DIXDC1: variants seen among roughly 807,000 people sequenced by gnomAD.
DIXDC1 encodes the protein DIX domain containing 1.
DIXDC1 carries 64 observed loss-of-function variants against 103.1 expected under a neutral mutation model. The observed-to-expected ratio is 0.62, with a 90% CI of 0.51 to 0.76. The LOEUF (loss-of-function observed/expected upper bound fraction) is 0.76. Ranked by LOEUF, DIXDC1 falls within the 30% of genes least tolerant of loss-of-function variation. The pLI is 0.00. For synonymous variants in DIXDC1, 266 were observed against 298.5 expected, an observed-to-expected ratio of 0.89 and a Z score of 1.12; for missense variants, 759 against 834.2, an observed-to-expected ratio of 0.91 and a Z score of 1.11.
At chr11:112,012,815 T>C (rs782333534) in intron 17 of DIXDC1, among the ~76,000 whole-genome samples, 1 of 152,238 alleles carries the variant, frequency 6.6e-6, no homozygotes, top group African/African-American at 2.4e-5. Context: ...GAAAAGTCTA[T>C]GCAATCCAAC....
chr11:111,944,667 T>A (rs1477700134), intron 1 of DIXDC1, among the ~76,000 whole-genome samples: 1 of 152,190 alleles, frequency 6.6e-6, no homozygotes, highest in Admixed American at 6.5e-5. Context: ...CTGATGGAGA[T>A]TATGGGATTG....
chr11:111,985,404 T>A, intron 8 of DIXDC1, 83 bp downstream of exon 8: 1 of 1,085,732 alleles, frequency 9.2e-7, no homozygotes, highest in Non-Finnish European at 1.3e-6. Context: ...GTTCATGCCT[T>A]CTTGAAATGC....
intron 1 of DIXDC1, among the ~76,000 whole-genome samples, chr11:111,944,128 A>G (rs1966515297): frequency 6.6e-6 from 1 of 152,172 alleles, no homozygotes; most frequent in Non-Finnish European, 1.5e-5. Context: ...TTTCTCAGCA[A>G]CTTCCCCACC....
intron 14 of DIXDC1, among the ~76,000 whole-genome samples, chr11:111,994,513 CCATA>C (rs1555175056): frequency 2.0e-5 from 3 of 146,512 alleles, no homozygotes; most frequent in African/African-American, 7.6e-5. Context: ...ACATATATAA[CCATA>C]CATATATATG....
chr11:111,954,804 T>C (rs1966875420), intron 1 of DIXDC1, among the ~76,000 whole-genome samples: 1 of 152,076 alleles, frequency 6.6e-6, no homozygotes, highest in Non-Finnish European at 1.5e-5. Flanking sequence ...AGAAAGGAGT[T>C]ACACAAATAA....
intron 7 of DIXDC1, among the ~76,000 whole-genome samples, chr11:111,984,047 T>C (rs587645657): frequency 6.6e-6 from 1 of 152,338 alleles, no homozygotes; most frequent in Non-Finnish European, 1.5e-5. Context: ...TGTCTGTACC[T>C]GTTGCCATGA....
rs587749100 is a variant in DIXDC1, at chr11:112,019,518, C to T, written c.*482C>T. Reference sequence around the variant, plus strand: ...CTGTTTCTTTGAACCTACTGCAAACCAAGAATAACTCATGAGGTGGTACCA... The same window carrying T: ...CTGTTTCTTTGAACCTACTGCAAACTAAGAATAACTCATGAGGTGGTACCA... On this transcript the variant is annotated 3_prime_UTR_variant, in exon 20 of 20. Coordinates refer to ENST00000440460, the MANE Select transcript of DIXDC1 (RefSeq NM_001037954.4). The T allele has an allele frequency of 2.0e-5, 3 of 153,262 alleles. No individual in the cohort carries two copies. The highest frequency in any genetic ancestry group is 7.2e-5 in the African/African-American group (3 of 41,568). The allele number at this position is 153,262 out of a possible 1,614,324, so 9.5% of individuals were successfully genotyped here.
At chr11:112,012,355 G>A (rs1861450798) in intron 17 of DIXDC1, among the ~76,000 whole-genome samples, 1 of 152,114 alleles carries the variant, frequency 6.6e-6, no homozygotes, top group Admixed American at 6.6e-5. Context: ...GTGTAGTATT[G>A]GTGAATTGGT....
intron 1 of DIXDC1, among the ~76,000 whole-genome samples, chr11:111,943,601 G>A (rs1478361699): frequency 6.7e-6 from 1 of 148,692 alleles, no homozygotes; most frequent in Non-Finnish European, 1.5e-5. Context: ...CCGGGTTCAA[G>A]CAATTCTCCT....
intron 17 of DIXDC1, among the ~76,000 whole-genome samples, chr11:112,010,229 A>T (rs1198333718): frequency 2.0e-5 from 3 of 152,208 alleles, no homozygotes; most frequent in Non-Finnish European, 1.5e-5. Flanking sequence ...TAAAATACCT[A>T]GGAATCCAAC....
At chr11:111,937,176 T>A, upstream of DIXDC1, 5 of 927,382 alleles carry the variant, frequency 5.4e-6, no homozygotes, top group Non-Finnish European at 5.1e-6. Context: ...GCGCGCGCCC[T>A]CGCCAGCCCG....
chr11:112,005,170 AAACCCAC>A (rs1303139002), intron 17 of DIXDC1, among the ~76,000 whole-genome samples: 1 of 152,196 alleles, frequency 6.6e-6, no homozygotes. Flanking sequence ...TGTTTATAGG[AAACCCAC>A]TATAAATATA....
chr11:111,997,727 A>T (rs1181319161), intron 17 of DIXDC1, among the ~76,000 whole-genome samples: 5 of 152,204 alleles, frequency 3.3e-5, no homozygotes, highest in African/African-American at 1.2e-4. Flanking sequence ...AAGTACAATA[A>T]ATTCCCCCCC....
chr11:112,008,183 A>G (rs1345493646), intron 17 of DIXDC1, among the ~76,000 whole-genome samples: 1 of 152,142 alleles, frequency 6.6e-6, no homozygotes, highest in Non-Finnish European at 1.5e-5. Context: ...CTCTGATAAA[A>G]CAGACTTTAA....
chr11:112,006,102 C>T (rs1318062781), intron 17 of DIXDC1, among the ~76,000 whole-genome samples: 1 of 152,202 alleles, frequency 6.6e-6, no homozygotes, highest in East Asian at 1.9e-4. Context: ...GCGTTTTCAA[C>T]AGTCTTAGCA....
At chr11:111,983,271 C>T (rs1555173495) in intron 7 of DIXDC1, among the ~76,000 whole-genome samples, 1 of 152,224 alleles carries the variant, frequency 6.6e-6, no homozygotes, top group Non-Finnish European at 1.5e-5. Flanking sequence ...GTGTGTGGCT[C>T]TGGCAGCCGG....
chr11:111,958,848 G>C lies in DIXDC1; in HGVS notation c.61-5701G>C, dbSNP rs1487232645. Among the ~76,000 whole-genome samples the C allele has an allele frequency of 6.6e-6, 1 of 152,196 alleles. No individual in the cohort carries two copies. The highest frequency in any genetic ancestry group is 2.4e-5 in the African/African-American group (1 of 41,454). On this transcript the variant is annotated intron_variant, in intron 1 of 19. Coordinates refer to ENST00000440460, the MANE Select transcript of DIXDC1 (RefSeq NM_001037954.4). This position sits in a 1 kb window ranked among gnomAD's most constrained non-coding sequence, Gnocchi z 4.2. ...CCAGACTCAACCAGACTTGGAAAAT[G>C]ATGGGACGACCTGCCTGCGGAGAGG...
chr11:112,013,719 C>T (rs111972096), intron 17 of DIXDC1, among the ~76,000 whole-genome samples: 2 of 152,178 alleles, frequency 1.3e-5, no homozygotes, highest in Admixed American at 6.5e-5. Context: ...TCCAGGGCTA[C>T]ATCTTTCCTA....
At chr11:111,980,380 G>A (rs140002147) in intron 5 of DIXDC1, among the ~76,000 whole-genome samples, 147 of 152,320 alleles carry the variant, frequency 9.7e-4, no homozygotes, top group African/African-American at 3.1e-3. Context: ...CGTGGGCCCA[G>A]GGATGGTGAT....
Sources: allele counts gnomAD v4.1 joint callset (sites outside exome capture counted in the v4.1 genomes callset), GRCh38; gene constraint gnomAD v4.1.1; non-coding constraint Gnocchi (gnomAD v3.1); transcripts MANE v1.5; gene names NCBI Gene and HGNC (gene_info 2026-07-23, HGNC 2026-07-21).